The following GABRG3 variants were observed in gnomAD, a reference collection of about 807,000 sequenced individuals.
GABRG3 encodes the protein gamma-aminobutyric acid receptor subunit gamma-3.
In GABRG3, 25 loss-of-function variants were observed where a neutral mutation model predicts 48.8. That is an observed-to-expected ratio of 0.51 (90% confidence interval 0.37 to 0.72). The LOEUF is 0.72. Ranked by LOEUF, GABRG3 falls within the 30% of genes least tolerant of loss-of-function variation. The pLI, the probability that GABRG3 is intolerant of heterozygous loss-of-function variation, is 0.00. For synonymous variants in GABRG3, 227 were observed against 217.6 expected, an observed-to-expected ratio of 1.04 and a Z score of -0.38; for missense variants, 394 against 577.9, an observed-to-expected ratio of 0.68 and a Z score of 3.26.
Position 26,976,110 on chromosome 15 carries a change from A to C in GABRG3, c.54-892A>C, listed in dbSNP as rs1894937523. Reference sequence around the variant, plus strand: ...ACCAAACATTTTTTAAAAAACCCAAAACTGCAGAACCAAAAAAAAAAAAAG... The same window carrying C: ...ACCAAACATTTTTTAAAAAACCCAACACTGCAGAACCAAAAAAAAAAAAAG... On this transcript the variant is annotated intron_variant, in intron 1 of 9. Transcript: ENST00000615808. The surrounding 1 kb of genome is among the most constrained non-coding windows in gnomAD (Gnocchi z 7.8). Among the ~76,000 whole-genome samples, 1 of 150,680 alleles carries C rather than the reference A, an allele frequency of 6.6e-6. No individual in the cohort carries two copies. Among genetic ancestry groups the C allele is most frequent in the African/African-American group, 2.5e-5 (1 of 40,760 alleles).
chr15:27,161,844 G>T (rs1887202592), intron 3 of GABRG3, among the ~76,000 whole-genome samples: 1 of 152,090 alleles, frequency 6.6e-6, no homozygotes. Context: ...AGGTGATACT[G>T]TAGTTAATAC....
chr15:27,386,123 C>T (rs1895913372), intron 5 of GABRG3, among the ~76,000 whole-genome samples: 1 of 152,122 alleles, frequency 6.6e-6, no homozygotes, highest in Non-Finnish European at 1.5e-5. Context: ...TTCTCTCTCT[C>T]TCTTTGTTTT....
chr15:27,430,811 G>A lies in GABRG3; in HGVS notation c.575-49839G>A, dbSNP rs1215887929. 4.6e-5 allele frequency among the ~76,000 whole-genome samples: 7 copies of A among 151,772 alleles called. No individual in the cohort carries two copies. In the South Asian group the frequency reaches 8.3e-4, roughly 18 times the overall value. ...TCATGACCAGCCTGGCCAACATGCC[G>A]AAACCCCGTCTCTACTAAAAATACA... is the stretch of plus-strand genomic sequence containing the variant. On this transcript the variant is annotated intron_variant, in intron 5 of 9. Transcript: ENST00000615808.
chr15:27,333,145 T>C (rs1403311697), intron 5 of GABRG3, among the ~76,000 whole-genome samples: 1 of 152,230 alleles, frequency 6.6e-6, no homozygotes, highest in Non-Finnish European at 1.5e-5. Flanking sequence ...GTGTATTTAG[T>C]GTACTCATAG....
At chr15:27,360,469 C>T (rs867216913) in intron 5 of GABRG3, among the ~76,000 whole-genome samples, 11 of 152,192 alleles carry the variant, frequency 7.2e-5, no homozygotes, top group Admixed American at 4.6e-4. Flanking sequence ...TGAGTGTGTG[C>T]TTGCTTTAAT....
chr15:27,297,980 ATAAAT>A (rs57861179), intron 3 of GABRG3, among the ~76,000 whole-genome samples: 72,476 of 151,262 alleles, frequency 0.48, 20,685 homozygotes, highest in Non-Finnish European at 0.65. Flanking sequence ...AATTTTTTTA[ATAAAT>A]TAAAAATCAT....
intron 5 of GABRG3, among the ~76,000 whole-genome samples, chr15:27,476,192 C>T (rs191515982): frequency 2.0e-3 from 304 of 152,208 alleles, no homozygotes; most frequent in Admixed American, 4.3e-3. Context: ...CAACAACAAA[C>T]TCTGGAGTGG....
intron 3 of GABRG3, among the ~76,000 whole-genome samples, chr15:27,093,626 C>T (rs1897228638): frequency 6.6e-6 from 1 of 151,844 alleles, no homozygotes; most frequent in African/African-American, 2.4e-5. Flanking sequence ...AAAGAAAGGC[C>T]CTTAAAATTT....
At chr15:27,324,591 G>A (rs762551036) in intron 3 of GABRG3, among the ~76,000 whole-genome samples, 7 of 152,204 alleles carry the variant, frequency 4.6e-5, no homozygotes, top group Non-Finnish European at 8.8e-5. Context: ...GCTGCCATTT[G>A]CCCATGAAAG....
chr15:27,283,972 A>G (rs553480026), intron 3 of GABRG3, among the ~76,000 whole-genome samples: 1 of 152,332 alleles, frequency 6.6e-6, no homozygotes, highest in East Asian at 1.9e-4. Context: ...AGGAAAACTC[A>G]GAGACTTAGA....
At chr15:27,074,656 T>C (rs888903808) in intron 3 of GABRG3, among the ~76,000 whole-genome samples, 11 of 151,166 alleles carry the variant, frequency 7.3e-5, no homozygotes, top group Admixed American at 7.2e-4. Flanking sequence ...TTTTTTTTTT[T>C]ACAAGATTGA....
intron 5 of GABRG3, among the ~76,000 whole-genome samples, chr15:27,441,079 G>T (rs1888769591): frequency 1.3e-5 from 2 of 152,084 alleles, no homozygotes; most frequent in South Asian, 4.1e-4. Flanking sequence ...AAAGATCAAG[G>T]GGTTGTTGTT....
chr15:27,307,962 G>T (rs1228941464), intron 3 of GABRG3, among the ~76,000 whole-genome samples: 1 of 131,758 alleles, frequency 7.6e-6, no homozygotes, highest in African/African-American at 2.9e-5. Flanking sequence ...AAATAAACAT[G>T]TTTATATATA....
In GABRG3 at chr15:26,971,558, T is replaced by C; in HGVS notation, c.23T>C (p.Leu8Pro). 6.5e-7 allele frequency: 1 copy of C among 1,531,246 alleles called. No individual in the cohort carries two copies. Among genetic ancestry groups the C allele is most frequent in the East Asian group, 2.6e-5 (1 of 38,664 alleles). 94.9% of individuals were successfully genotyped at this position (1,531,246 alleles called of 1,614,324 possible). A position where few individuals can be genotyped will look rare whatever the true frequency, so the allele number is the denominator to read the frequency against. Reference protein sequence around the residue: MAPKLLLLLCLFSGLHAR... With the variant: MAPKLLLPLCLFSGLHAR... ...ACCATGGCCCCGAAGCTGCTGCTCC[T>C]CCTCTGCCTGTTCTCGGGCTTGCAC... The change falls in exon 1 of 10, where the codon CTC becomes CCC. Residue 8 changes from leucine to proline, a missense_variant. Leu to Pro is a moderately conservative substitution (Grantham distance 98). Coordinates refer to ENST00000615808, the MANE Select transcript of GABRG3 (RefSeq NM_033223.5).
intron 3 of GABRG3, among the ~76,000 whole-genome samples, chr15:27,312,735 A>G (rs1893037453): frequency 6.6e-6 from 1 of 152,138 alleles, no homozygotes; most frequent in African/African-American, 2.4e-5. Context: ...AAGCTGAGAA[A>G]GTTCATCACT....
chr15:27,172,289 A>C (rs2030381416), intron 3 of GABRG3, among the ~76,000 whole-genome samples: 2 of 152,300 alleles, frequency 1.3e-5, no homozygotes, highest in South Asian at 4.1e-4. Flanking sequence ...AGCTTTGCAC[A>C]GGTCCTTGGA....
intron 3 of GABRG3, among the ~76,000 whole-genome samples, chr15:27,071,749 A>T (rs8029750): frequency 0.21 from 31,418 of 152,176 alleles, 3,404 homozygotes; most frequent in Middle Eastern, 0.27. Context: ...ATGTTTGCAG[A>T]CAGATATGGA....
intron 3 of GABRG3, among the ~76,000 whole-genome samples, chr15:27,182,302 G>A (rs755225609): frequency 3.3e-5 from 5 of 152,292 alleles, no homozygotes; most frequent in Non-Finnish European, 5.9e-5. Flanking sequence ...CTCACTCGTC[G>A]TGTTAGGTTG....
intron 3 of GABRG3, among the ~76,000 whole-genome samples, chr15:27,067,036 G>A (rs999470314): frequency 1.3e-5 from 2 of 152,188 alleles, no homozygotes; most frequent in African/African-American, 4.8e-5. Context: ...GCAAGTACAG[G>A]AGTGCACTGT....
Sources: gnomAD v4.1 joint callset for allele counts (sites outside exome capture counted in the v4.1 genomes callset) on GRCh38, gnomAD v4.1.1 for gene constraint, Gnocchi (gnomAD v3.1) non-coding constraint, MANE v1.5 for transcripts, NCBI Gene and HGNC (gene_info 2026-07-23, HGNC 2026-07-21) for gene names.